Variants in PRDM1 observed in about 807,000 individuals in gnomAD.
PRDM1 encodes the protein PR/SET domain 1.
A neutral mutation model predicts 62.8 loss-of-function variants in PRDM1; 13 were observed. The observed-to-expected ratio is 0.21, with a 90% CI of 0.13 to 0.33. The LOEUF (loss-of-function observed/expected upper bound fraction) is 0.33. Ranked by LOEUF, PRDM1 falls within the 10% of genes least tolerant of loss-of-function variation. The pLI, the probability that PRDM1 is intolerant of heterozygous loss-of-function variation, is 1.00. For synonymous variants in PRDM1, 396 were observed against 417.6 expected (o/e 0.95, Z 0.63); for missense variants, 895 against 1,058.8 (o/e 0.85, Z 2.15).
intron 1 of PRDM1, among the ~76,000 whole-genome samples, chr6:106,064,386 G>A (rs181863547): frequency 8.5e-5 from 13 of 152,316 alleles, no homozygotes; most frequent in Admixed American, 5.9e-4. Context: ...CTTAGCCAGC[G>A]GGGAAACTGT....
chr6:106,081,184 C>A (rs1411801738), intron 1 of PRDM1, among the ~76,000 whole-genome samples: 1 of 152,206 alleles, frequency 6.6e-6, no homozygotes, highest in African/African-American at 2.4e-5. Context: ...TGCCTTCTTC[C>A]AAACTCAGAC....
chr6:106,030,565 A>T (rs1772826799), intron 1 of PRDM1, among the ~76,000 whole-genome samples: 1 of 146,950 alleles, frequency 6.8e-6, no homozygotes, highest in Non-Finnish European at 1.5e-5. Context: ...GCCTTTTTTG[A>T]CGGGGGTGGG....
At position 106,107,610 on chromosome 6, in the gene PRDM1, T is replaced by C; in HGVS notation, c.*124T>C. ...TCTCTCGACAGCAAATGGTTTCCCC[T>C]CACCTCTGGAATTAAAGAAGGAACT... is the stretch of plus-strand genomic sequence containing the variant. On this transcript the variant is annotated 3_prime_UTR_variant, in exon 7 of 7. Coordinates refer to ENST00000369096, the MANE Select transcript of PRDM1 (RefSeq NM_001198.4). 1.2e-6 allele frequency: 1 copy of C among 836,634 alleles called. No homozygotes were observed. Among genetic ancestry groups the C allele is most frequent in the Non-Finnish European group, 1.7e-6 (1 of 574,662 alleles). 51.8% of individuals were successfully genotyped at this position (836,634 alleles called of 1,614,324 possible). A position where few individuals can be genotyped will look rare whatever the true frequency, so the allele number is the denominator to read the frequency against.
chr6:106,076,423 C>A (rs1286438306), intron 1 of PRDM1, among the ~76,000 whole-genome samples: 1 of 152,012 alleles, frequency 6.6e-6, no homozygotes, highest in South Asian at 2.1e-4. Flanking sequence ...GATTTGAAAT[C>A]GTAGTATTTT....
Position 106,106,074 on chromosome 6 carries a change from C to A in PRDM1, c.1773+141C>A. Reference sequence around the variant, plus strand: ...GATAGTGGGTATGGATTCCGCCTGGCTTTTGCCACTTCTAGCTCTTTGACT... The same window carrying A: ...GATAGTGGGTATGGATTCCGCCTGGATTTTGCCACTTCTAGCTCTTTGACT... On this transcript the variant is annotated intron_variant, in intron 5 of 6. Transcript: ENST00000369096. This position sits in a 1 kb window ranked among gnomAD's most constrained non-coding sequence, Gnocchi z 4.4. 7 of 1,301,716 alleles carry A rather than the reference C, an allele frequency of 5.4e-6. No homozygotes were observed. Among genetic ancestry groups the A allele is most frequent in the Non-Finnish European group, 6.2e-6 (6 of 968,792 alleles). 80.6% of individuals were successfully genotyped at this position (1,301,716 alleles called of 1,614,324 possible). A position where few individuals can be genotyped will look rare whatever the true frequency, so the allele number is the denominator to read the frequency against.
chr6:105,998,041 T>C (rs1245541647), intron 1 of PRDM1, among the ~76,000 whole-genome samples: 1 of 152,250 alleles, frequency 6.6e-6, no homozygotes, highest in Non-Finnish European at 1.5e-5. Context: ...TATTTTATGT[T>C]AAACAAAGTG....
At chr6:106,084,237 T>C (rs1773748115), upstream of PRDM1, among the ~76,000 whole-genome samples, 1 of 152,136 alleles carries the variant, frequency 6.6e-6, no homozygotes, top group Admixed American at 6.5e-5. Flanking sequence ...AAATTTACTT[T>C]CCTTAAAGTT....
In PRDM1 at chr6:105,994,413, C is replaced by CCGCT. The variant is rs1169364539; in HGVS notation, c.-67+775_-67+778dup. ...CCACTGCCACCCTACAGCGACGCTT[C>CCGCT]CGCTGGAAGACGAGCGGGGACGCGT... On this transcript the variant is annotated intron_variant, in intron 1 of 6. Coordinates refer to the PRDM1 transcript ENST00000652320. The surrounding 1 kb of genome is among the most constrained non-coding windows in gnomAD (Gnocchi z 4.1). Among the ~76,000 whole-genome samples, 10 of 151,874 alleles carry CCGCT rather than the reference C, an allele frequency of 6.6e-5. No individual in the cohort carries two copies.
chr6:106,040,606 T>C (rs944354056), intron 1 of PRDM1, among the ~76,000 whole-genome samples: 2 of 152,206 alleles, frequency 1.3e-5, no homozygotes, highest in African/African-American at 4.8e-5. Flanking sequence ...TGGGCTCAGG[T>C]GTTGTCCAGA....
chr6:106,046,326 A>ATGT (rs1462163342), upstream of PRDM1: 1 of 152,084 alleles, frequency 6.6e-6, no homozygotes, highest in Non-Finnish European at 1.5e-5. Context: ...TTGGTCTCCA[A>ATGT]GGTGATCAAA....
At chr6:106,023,641 T>C (rs1772727715) in intron 1 of PRDM1, among the ~76,000 whole-genome samples, 1 of 152,156 alleles carries the variant, frequency 6.6e-6, no homozygotes, top group African/African-American at 2.4e-5. Context: ...AGTTCTTCCT[T>C]AGGGTAGGAA....
rs892547523 is a variant in PRDM1 at position 106,109,533 on chromosome 6, C to A, written c.*2047C>A. 8 of 233,592 alleles carry A rather than the reference C, an allele frequency of 3.4e-5. No individual in the cohort carries two copies. Among genetic ancestry groups the A allele is most frequent in the Non-Finnish European group, 5.9e-5 (7 of 118,000 alleles). The allele number at this position is 233,592 out of a possible 1,614,324, so 14.5% of individuals were successfully genotyped here. On this transcript the variant is annotated 3_prime_UTR_variant, in exon 7 of 7. Transcript: ENST00000369096. Reference sequence around the variant, plus strand: ...GAGCCTTACTGGTCTTCTGTAACTTCCAAGACTGACAGCTTTTTATGTATC... The same window carrying A: ...GAGCCTTACTGGTCTTCTGTAACTTACAAGACTGACAGCTTTTTATGTATC...
At chr6:106,021,820 A>C (rs911341987) in intron 1 of PRDM1, among the ~76,000 whole-genome samples, 5 of 152,064 alleles carry the variant, frequency 3.3e-5, no homozygotes, top group African/African-American at 1.2e-4. Context: ...GGGTTTCTCC[A>C]TGTTGGTCAG....
intron 1 of PRDM1, among the ~76,000 whole-genome samples, chr6:106,007,883 C>T (rs951831232): frequency 5.3e-5 from 8 of 152,346 alleles, no homozygotes; most frequent in East Asian, 1.9e-4. Context: ...GTAGTTGGTA[C>T]GCCCTATGAG....
intron 1 of PRDM1, among the ~76,000 whole-genome samples, chr6:106,010,224 G>A (rs1374204948): frequency 3.3e-5 from 5 of 152,146 alleles, no homozygotes; most frequent in Non-Finnish European, 5.9e-5. Context: ...GGCACTCTTC[G>A]ACAGGCGTTT....
chr6:106,105,641 G>A lies in PRDM1; in HGVS notation c.1481G>A (p.Ser494Asn), dbSNP rs1774456219. ...GAGGTGCTTGTCCCGGCGCCCCACA[G>A]TGCCTTCTCCTTTACCGGGGCCGCC... is the stretch of plus-strand genomic sequence containing the variant. ...PREVLVPAPH[S>N]AFSFTGAAAS... The change falls in exon 5 of 7, where the codon AGT becomes AAT. Residue 494 changes from serine (S) to asparagine (N), a missense_variant. Coordinates refer to ENST00000369096, the MANE Select transcript of PRDM1 (RefSeq NM_001198.4). The A allele has an allele frequency of 3.1e-6, 5 of 1,613,300 alleles. No individual in the cohort carries two copies. In the East Asian group the frequency reaches 1.1e-4, roughly 36 times the overall value.
Position 106,000,273 on chromosome 6 carries a change from T to C in PRDM1, c.-67+6634T>C, listed in dbSNP as rs565242745. ...TTTCAAAGCTATCTTTAACTCATCT[T>C]TAAAAAATATATACAAGCCAGGGGC... is the stretch of plus-strand genomic sequence containing the variant. On this transcript the variant is annotated intron_variant, in intron 1 of 6. Coordinates refer to the PRDM1 transcript ENST00000652320. Among the ~76,000 whole-genome samples, 5 of 152,168 alleles carry C rather than the reference T, an allele frequency of 3.3e-5. No individual in the cohort carries two copies. The South Asian group carries it at 6.2e-4, about 19-fold the overall frequency.
At chr6:106,088,024 CT>C (rs1773855734) in intron 1 of PRDM1, 176 bp from the exon 2 acceptor site, 11 of 291,436 alleles carry the variant, frequency 3.8e-5, no homozygotes, top group Non-Finnish European at 5.5e-5. Context: ...ATTTAAAAAC[CT>C]TGCTTCTTTT....
chr6:105,996,790 G>T (rs1226093701), intron 1 of PRDM1, among the ~76,000 whole-genome samples: 1 of 152,160 alleles, frequency 6.6e-6, no homozygotes, highest in Non-Finnish European at 1.5e-5. Flanking sequence ...AGGGTAGATA[G>T]GGCTGATGTT....
Sources: allele counts gnomAD v4.1 joint callset (sites outside exome capture counted in the v4.1 genomes callset), GRCh38; gene constraint gnomAD v4.1.1; non-coding constraint Gnocchi (gnomAD v3.1); transcripts MANE v1.5; gene names NCBI Gene and HGNC (gene_info 2026-07-23, HGNC 2026-07-21).